Variants in MAN2A1 observed in about 807,000 individuals in gnomAD.
The protein encoded by MAN2A1 is alpha-mannosidase 2.
A neutral mutation model predicts 142.6 loss-of-function variants in MAN2A1; 76 were observed. The ratio of observed to expected loss-of-function variants is 0.53; its 90% CI spans 0.44 to 0.65. The LOEUF (loss-of-function observed/expected upper bound fraction) is 0.65, where lower values mean the gene tolerates loss of function less well. Ranked by LOEUF, MAN2A1 falls within the 30% of genes least tolerant of loss-of-function variation. MAN2A1 has a pLI of 0.00. For missense variants in MAN2A1, 1,311 were observed against 1,365.1 expected, an observed-to-expected ratio of 0.96 and a Z score of 0.62; for synonymous variants, 559 against 473.2, an observed-to-expected ratio of 1.18 and a Z score of -2.35.
At chr5:109,786,677 A>T (rs1018684840) in intron 10 of MAN2A1, among the ~76,000 whole-genome samples, 1 of 152,130 alleles carries the variant, frequency 6.6e-6, no homozygotes, top group Non-Finnish European at 1.5e-5. Context: ...AGGAAATTTC[A>T]AAACATAAGT....
intron 16 of MAN2A1, among the ~76,000 whole-genome samples, chr5:109,834,954 A>G (rs1416133016): frequency 6.6e-6 from 1 of 152,190 alleles, no homozygotes; most frequent in Non-Finnish European, 1.5e-5. Flanking sequence ...TTATTTTGGT[A>G]CTTTCAGATA....
chr5:109,766,701 A>G (rs1582876061), intron 5 of MAN2A1, among the ~76,000 whole-genome samples: 2 of 152,082 alleles, frequency 1.3e-5, no homozygotes, highest in East Asian at 1.9e-4. Flanking sequence ...ATGAAAAAAA[A>G]TACACACAGC....
At chr5:109,741,675 A>G (rs1260651355) in intron 4 of MAN2A1, among the ~76,000 whole-genome samples, 1 of 152,152 alleles carries the variant, frequency 6.6e-6, no homozygotes, top group East Asian at 1.9e-4. Flanking sequence ...AACTCAAATG[A>G]TCCTTATAAT....
chr5:109,690,424 T>C lies in MAN2A1; in HGVS notation c.7T>C (p.Leu3=). The C allele has an allele frequency of 6.2e-7, 1 of 1,614,034 alleles. No homozygotes were observed. Among genetic ancestry groups the C allele is most frequent in the Non-Finnish European group, 8.5e-7 (1 of 1,179,912 alleles). ...CCCGAGTCTATCGAGGAAAATGAAG[T>C]TAAGCCGCCAGTTCACCGTGTTCGG... The part of the protein sequence containing the change: MK[L]SRQFTVFGSA... The change falls in exon 1 of 22, where the codon TTA becomes CTA. Residue 3 remains leucine, a synonymous_variant. Transcript: ENST00000261483.
chr5:109,856,708 C>G lies in MAN2A1; in HGVS notation c.3171+1374C>G, dbSNP rs146158574. ...TTTGGTTTCCTTCAGAGATAAGGAA[C>G]TTATGCTTGGCTATGCAGGCAAACA... On this transcript the variant is annotated intron_variant, in intron 20 of 21. Transcript: ENST00000261483. Among the ~76,000 whole-genome samples, 292 of 152,274 alleles carry G rather than the reference C, an allele frequency of 1.9e-3. 3 individuals carry two copies. Among genetic ancestry groups the G allele is most frequent in the African/African-American group, 6.7e-3 (278 of 41,554 alleles).
intron 12 of MAN2A1, among the ~76,000 whole-genome samples, chr5:109,790,657 C>T (rs933649600): frequency 3.8e-4 from 58 of 151,892 alleles, no homozygotes; most frequent in African/African-American, 1.3e-3. Flanking sequence ...GGGTTATATG[C>T]CTGTTCCTTA....
intron 4 of MAN2A1, among the ~76,000 whole-genome samples, chr5:109,738,997 CA>C (rs1752189343): frequency 6.6e-6 from 1 of 152,024 alleles, no homozygotes; most frequent in South Asian, 2.1e-4. Context: ...CGCACACCAC[CA>C]CGGTGGCTCA....
chr5:109,760,428 G>A (rs893678726), intron 5 of MAN2A1, among the ~76,000 whole-genome samples: 4 of 152,158 alleles, frequency 2.6e-5, no homozygotes, highest in Admixed American at 2.0e-4. Context: ...ACTGTGAATA[G>A]TGCTGCAATA....
At chr5:109,695,382 A>C (rs1750784652) in intron 1 of MAN2A1, among the ~76,000 whole-genome samples, 1 of 152,236 alleles carries the variant, frequency 6.6e-6, no homozygotes, top group Non-Finnish European at 1.5e-5. Flanking sequence ...GGCTGTGGGC[A>C]AAATAGTGGC....
intron 19 of MAN2A1, among the ~76,000 whole-genome samples, chr5:109,850,702 A>G (rs1469961951): frequency 6.6e-6 from 1 of 152,190 alleles, no homozygotes; most frequent in Admixed American, 6.5e-5. Flanking sequence ...TGCAATAATA[A>G]AAATTTTCAC....
At chr5:109,791,558 T>A (rs138541476) in intron 12 of MAN2A1, among the ~76,000 whole-genome samples, 13 of 152,084 alleles carry the variant, frequency 8.5e-5, no homozygotes, top group African/African-American at 2.9e-4. Flanking sequence ...GGTTGGCTTT[T>A]TTTTTAGTTA....
At chr5:109,708,548 G>GCACACACACACA (rs1397343726) in intron 1 of MAN2A1, among the ~76,000 whole-genome samples, 3 of 37,152 alleles carry the variant, frequency 8.1e-5, no homozygotes, top group African/African-American at 1.6e-4. Context: ...ACACACACAT[G>GCACACACACACA]AGAAGGGAGT....
chr5:109,848,654 T>C (rs562081803), intron 19 of MAN2A1, among the ~76,000 whole-genome samples: 11 of 152,240 alleles, frequency 7.2e-5, no homozygotes, highest in African/African-American at 2.6e-4. Flanking sequence ...GAACTTACTC[T>C]CTTCACCCAC....
At chr5:109,860,353 T>G (rs1482702952) in intron 20 of MAN2A1, among the ~76,000 whole-genome samples, 1 of 152,200 alleles carries the variant, frequency 6.6e-6, no homozygotes, top group African/African-American at 2.4e-5. Context: ...TAATACCATC[T>G]TAGGACTTAT....
chr5:109,765,989 A>C (rs1487291350), intron 5 of MAN2A1, among the ~76,000 whole-genome samples: 1 of 152,014 alleles, frequency 6.6e-6, no homozygotes, highest in African/African-American at 2.4e-5. Flanking sequence ...TGGTATGTAG[A>C]GGCCAAGATG....
chr5:109,819,910 AT>A, intron 14 of MAN2A1, 23 bp downstream of exon 14: 1 of 1,443,084 alleles, frequency 6.9e-7, no homozygotes. Context: ...TAGTTCTAAA[AT>A]TCATAGAATG....
rs1298933888 is a variant in MAN2A1, at chr5:109,847,648, G to T, written c.2843-9G>T. 3.3e-6 allele frequency: 5 copies of T among 1,509,474 alleles called. No individual in the cohort carries two copies. In the Admixed American group the frequency reaches 1.2e-4, roughly 35 times the overall value. The allele number at this position is 1,509,474 out of a possible 1,614,324, so 93.5% of individuals were successfully genotyped here. On this transcript the variant is annotated splice_polypyrimidine_tract_variant and intron_variant, in intron 18 of 21. Transcript: ENST00000261483. Reference sequence around the variant, plus strand: ...GTCAGTTTTGCTTGTTTGTTTGTTTGTGTGTTAGGTCAGATTGAAGTTATC... The same window carrying T: ...GTCAGTTTTGCTTGTTTGTTTGTTTTTGTGTTAGGTCAGATTGAAGTTATC...
At chr5:109,767,410 T>G in intron 5 of MAN2A1, 125 bp from the exon 6 acceptor site, 2 of 699,818 alleles carry the variant, frequency 2.9e-6, no homozygotes, top group Middle Eastern at 6.6e-4. Context: ...AGGATAATGC[T>G]GGGTAGATCC....
intron 20 of MAN2A1, among the ~76,000 whole-genome samples, chr5:109,858,561 G>A (rs1755681190): frequency 6.6e-6 from 1 of 152,176 alleles, no homozygotes; most frequent in South Asian, 2.1e-4. Flanking sequence ...TGTTCATTTG[G>A]AGAATGCAAC....
Sources: gnomAD v4.1 joint callset for allele counts (sites outside exome capture counted in the v4.1 genomes callset) on GRCh38, gnomAD v4.1.1 for gene constraint, MANE v1.5 for transcripts, NCBI Gene and HGNC (gene_info 2026-07-23, HGNC 2026-07-21) for gene names.